The following ZNF532 variants were observed in gnomAD, a reference collection of about 807,000 sequenced individuals.
ZNF532 encodes zinc finger protein 532.
In ZNF532, 22 loss-of-function variants were observed where a neutral mutation model predicts 89.3. The ratio of observed to expected loss-of-function variants is 0.25; its 90% CI spans 0.18 to 0.35. The LOEUF is 0.35. Among genes scored for constraint, ZNF532 ranks in the 10% least tolerant of loss-of-function variants. The probability of loss-of-function intolerance (pLI) is 1.00; values close to 1 mark genes in which losing one functional copy is unlikely to be tolerated. For missense variants in ZNF532, 1,132 were observed against 1,643.4 expected, an observed-to-expected ratio of 0.69 and a Z score of 5.38; for synonymous variants, 606 against 649.6, an observed-to-expected ratio of 0.93 and a Z score of 1.02.
chr18:58,955,821 A>G (rs1315858336), intron 7 of ZNF532, among the ~76,000 whole-genome samples: 1 of 152,226 alleles, frequency 6.6e-6, no homozygotes, highest in Non-Finnish European at 1.5e-5. Context: ...TACAGTGTTC[A>G]TTGTAAATAC....
intron 6 of ZNF532, 75 bp downstream of exon 6, chr18:58,948,304 A>G: frequency 1.4e-6 from 2 of 1,470,048 alleles, no homozygotes; most frequent in Non-Finnish European, 1.8e-6. Flanking sequence ...GCTGAGCTGC[A>G]GGTGACTCTA....
chr18:58,954,852 A>C (rs2064602925), intron 7 of ZNF532, among the ~76,000 whole-genome samples: 1 of 151,752 alleles, frequency 6.6e-6, no homozygotes, highest in African/African-American at 2.4e-5. Context: ...AGCTGGGATT[A>C]CAGATGTGCA....
intron 2 of ZNF532, among the ~76,000 whole-genome samples, chr18:58,892,943 C>T (rs571969969): frequency 2.6e-5 from 4 of 151,834 alleles, no homozygotes; most frequent in African/African-American, 9.7e-5. Context: ...AAGTCAGTTA[C>T]TCCAGATTAT....
chr18:58,867,415 A>T (rs1052743407), intron 2 of ZNF532, among the ~76,000 whole-genome samples: 1 of 152,086 alleles, frequency 6.6e-6, no homozygotes, highest in Non-Finnish European at 1.5e-5. Context: ...CTGGGGCGGG[A>T]GTCATGAGCT....
intron 9 of ZNF532, among the ~76,000 whole-genome samples, chr18:58,983,599 A>T (rs1172051567): frequency 6.7e-6 from 1 of 149,982 alleles, no homozygotes; most frequent in Non-Finnish European, 1.5e-5. Flanking sequence ...CCACACATAT[A>T]CCCCCCCCTT....
intron 2 of ZNF532, among the ~76,000 whole-genome samples, chr18:58,880,772 G>A (rs1411788141): frequency 1.2e-4 from 15 of 127,504 alleles, no homozygotes; most frequent in East Asian, 4.2e-4. Flanking sequence ...ACGCGCGCGC[G>A]TCTGTGTGTG....
Position 58,919,856 on chromosome 18 carries a change from C to A in ZNF532, c.1569C>A (p.His523Gln). The change falls in exon 3 of 10, where the codon CAC becomes CAA. Residue 523 changes from histidine to glutamine, a missense_variant. Physicochemically the swap from His to Gln is conservative, Grantham distance 24. Transcript: ENST00000591808. The surrounding 1 kb of genome is among the most constrained non-coding windows in gnomAD (Gnocchi z 6.1). ...ANAKLVPKTV[H>Q]LANLNLLPQG... ...CCAAACTCGTGCCAAAGACTGTGCA[C>A]CTTGCCAACCTTAACCTTTTGCCTC... 1 of 1,614,028 alleles carries A rather than the reference C, an allele frequency of 6.2e-7. No homozygotes were observed. The highest frequency in any genetic ancestry group is 1.1e-5 in the South Asian group (1 of 91,066).
intron 4 of ZNF532, among the ~76,000 whole-genome samples, chr18:58,939,160 T>C (rs2062731225): frequency 6.9e-6 from 1 of 145,560 alleles, no homozygotes. Flanking sequence ...GGCACGAGAA[T>C]TGCTTGAACC....
intron 2 of ZNF532, among the ~76,000 whole-genome samples, chr18:58,917,185 C>T (rs1603058390): frequency 6.6e-6 from 1 of 152,204 alleles, no homozygotes; most frequent in East Asian, 1.9e-4. Context: ...GCAGAAGGAA[C>T]AGATCCAAGA....
At chr18:58,896,535 TG>T (rs887322939) in intron 2 of ZNF532, 9 of 152,574 alleles carry the variant, frequency 5.9e-5, no homozygotes, top group African/African-American at 2.2e-4. Flanking sequence ...TGCACATGCT[TG>T]GGATGTCTTC....
intron 2 of ZNF532, among the ~76,000 whole-genome samples, chr18:58,881,699 T>A (rs959114010): frequency 4.6e-5 from 7 of 152,238 alleles, no homozygotes; most frequent in African/African-American, 1.7e-4. Context: ...CTAATTGGTG[T>A]CAGGCTCAGA....
intron 6 of ZNF532, among the ~76,000 whole-genome samples, chr18:58,952,357 A>T (rs1305815026): frequency 1.3e-5 from 2 of 152,306 alleles, no homozygotes; most frequent in African/African-American, 4.8e-5. Context: ...TATATTGTAT[A>T]CAGAGGCAAA....
Position 58,919,240 on chromosome 18 carries a change from A to G in ZNF532, c.953A>G (p.Gln318Arg), listed in dbSNP as rs900431062. 2 of 1,614,100 alleles carry G rather than the reference A, an allele frequency of 1.2e-6. No individual in the cohort carries two copies. Among genetic ancestry groups the G allele is most frequent in the Admixed American group, 3.3e-5 (2 of 60,022 alleles). Residue 318 changes from glutamine to arginine, a missense_variant, in exon 3 of 10, where the codon CAG (glutamine) becomes CGG (arginine). Gln to Arg is a conservative substitution (Grantham distance 43, BLOSUM62 1). Around this residue, in one of 9 missense-constraint regions of ZNF532, gnomAD observed 124 missense variants for 191.6 expected, o/e 0.65. Coordinates refer to ENST00000591808, the MANE Select transcript of ZNF532 (RefSeq NM_001375912.1). This position sits in a 1 kb window ranked among gnomAD's most constrained non-coding sequence, Gnocchi z 6.1. ...PRAADKSPES[Q>R]NLIDGTKKPS... Reference sequence around the variant, plus strand: ...GCCGCTGACAAGTCTCCTGAATCCCAGAATCTCATCGACGGGACCAAAAAA... The same window carrying G: ...GCCGCTGACAAGTCTCCTGAATCCCGGAATCTCATCGACGGGACCAAAAAA...
At chr18:58,936,702 T>C (rs971486707) in intron 4 of ZNF532, among the ~76,000 whole-genome samples, 18 of 152,196 alleles carry the variant, frequency 1.2e-4, no homozygotes, top group Non-Finnish European at 7.3e-5. Flanking sequence ...TAAACAACGA[T>C]GTGTTGTGAA....
At position 58,959,447 on chromosome 18, in the gene ZNF532, C is replaced by T. The variant is rs114872560; in HGVS notation, c.3150+5648C>T. On this transcript the variant is annotated intron_variant, in intron 7 of 9. Coordinates refer to ENST00000591808, the MANE Select transcript of ZNF532 (RefSeq NM_001375912.1). Reference sequence around the variant, plus strand: ...GCTAATTTTTGTGTTTTTATAGAGACGGTGTTTCACTGTGTCACCCAGTTG... The same window carrying T: ...GCTAATTTTTGTGTTTTTATAGAGATGGTGTTTCACTGTGTCACCCAGTTG... Among the ~76,000 whole-genome samples the T allele has an allele frequency of 1.6e-3, 248 of 151,906 alleles. 1 individual carries two copies. Among genetic ancestry groups the T allele is most frequent in the African/African-American group, 5.2e-3 (217 of 41,430 alleles).
intron 7 of ZNF532, among the ~76,000 whole-genome samples, chr18:58,973,229 A>AGTAGCTGGGATTACAGGCAT: frequency 6.6e-6 from 1 of 152,290 alleles, no homozygotes. Context: ...CAGCCTCCTG[A>AGTAGCTGGGATTACAGGCAT]GTAGCTGGGA....
intron 6 of ZNF532, among the ~76,000 whole-genome samples, chr18:58,951,658 T>G (rs7230626): frequency 4.8e-4 from 15 of 31,212 alleles, no homozygotes; most frequent in Admixed American, 7.0e-4. Flanking sequence ...TTTTTTTTTT[T>G]TTTTTTTTTG....
chr18:58,888,780 TATATAAA>T lies in ZNF532; in HGVS notation c.-18+23207_-18+23213del, dbSNP rs1568246293. On this transcript the variant is annotated intron_variant, in intron 2 of 9. Coordinates refer to ENST00000591808, the MANE Select transcript of ZNF532 (RefSeq NM_001375912.1). ...AAAATTAATATATATAATTTATATA[TATATAAA>T]ATATATATAATTTATATATATAAAA... Among the ~76,000 whole-genome samples the T allele has an allele frequency of 5.0e-3, 270 of 53,660 alleles. 16 individuals are homozygous for T. The highest frequency in any genetic ancestry group is 0.024 in the African/African-American group (226 of 9,564). 35.2% of individuals were successfully genotyped at this position (53,660 alleles called of 152,430 possible).
At chr18:58,946,586 A>T (rs1397593952) in intron 5 of ZNF532, among the ~76,000 whole-genome samples, 1 of 151,988 alleles carries the variant, frequency 6.6e-6, no homozygotes, top group Non-Finnish European at 1.5e-5. Flanking sequence ...TTTCTATTTA[A>T]CCACTTATTT....
Sources: gnomAD v4.1 joint callset for allele counts (sites outside exome capture counted in the v4.1 genomes callset) on GRCh38, gnomAD v4.1.1 for gene constraint, gnomAD v4.1.1 regional missense constraint, Gnocchi (gnomAD v3.1) non-coding constraint, MANE v1.5 for transcripts, NCBI Gene and HGNC (gene_info 2026-07-23, HGNC 2026-07-21) for gene names.